PRKG1: variants seen among roughly 807,000 people sequenced by gnomAD.
The protein encoded by PRKG1 is protein kinase cGMP-dependent 1, also known as cGMP-dependent protein kinase 1.
A neutral mutation model predicts 88.1 loss-of-function variants in PRKG1; 35 were observed. The observed-to-expected ratio is 0.40, with a 90% CI of 0.30 to 0.53. The LOEUF (loss-of-function observed/expected upper bound fraction) is 0.53, where lower values mean the gene tolerates loss of function less well. PRKG1 is among the 20% of genes least tolerant of loss of function. The pLI is 0.59. For synonymous variants in PRKG1, 303 were observed against 292.5 expected (o/e 1.04, Z -0.37); for missense variants, 540 against 839.8 (o/e 0.64, Z 4.41).
chr10:51,209,434 T>C (rs1838154777), intron 2 of PRKG1, among the ~76,000 whole-genome samples: 1 of 152,170 alleles, frequency 6.6e-6, no homozygotes, highest in Non-Finnish European at 1.5e-5. Flanking sequence ...TTCCACCTGG[T>C]AAAAGTAAAA....
chr10:51,024,552 GA>G (rs948765822), intron 1 of PRKG1, among the ~76,000 whole-genome samples: 11 of 151,974 alleles, frequency 7.2e-5, no homozygotes, highest in Admixed American at 4.6e-4. Flanking sequence ...AATAATTTGA[GA>G]AAAAAATCTA....
At chr10:51,922,495 A>AT (rs1317537114) in intron 5 of PRKG1, among the ~76,000 whole-genome samples, 2 of 151,670 alleles carry the variant, frequency 1.3e-5, no homozygotes, top group Non-Finnish European at 3.0e-5. Flanking sequence ...TAGATTATTT[A>AT]TTTTTAGATC....
chr10:51,077,325 T>C (rs923722892), intron 1 of PRKG1, among the ~76,000 whole-genome samples: 1 of 152,216 alleles, frequency 6.6e-6, no homozygotes, highest in Non-Finnish European at 1.5e-5. Context: ...AACATACATA[T>C]AGATTATTGT....
chr10:51,576,522 C>G (rs1017570480), intron 3 of PRKG1, among the ~76,000 whole-genome samples: 2 of 151,852 alleles, frequency 1.3e-5, no homozygotes, highest in Non-Finnish European at 2.9e-5. Flanking sequence ...CTAGAATATC[C>G]TTTTACAGAT....
rs185875348 is a variant in PRKG1 at position 52,241,189 on chromosome 10, A to G, written c.1077-10381A>G. 3.6e-3 allele frequency among the ~76,000 whole-genome samples: 550 copies of G among 152,278 alleles called. 2 individuals carry two copies. The highest frequency in any genetic ancestry group is 0.013 in the African/African-American group (520 of 41,560). Reference sequence around the variant, plus strand: ...CCTGTTTTGCGTACCAGGAGTTGAAAGCAGGACTCCATGAAATGAAAACCT... The same window carrying G: ...CCTGTTTTGCGTACCAGGAGTTGAAGGCAGGACTCCATGAAATGAAAACCT... On this transcript the variant is annotated intron_variant, in intron 9 of 17. Coordinates refer to ENST00000373980, the MANE Select transcript of PRKG1 (RefSeq NM_006258.4).
chr10:51,016,651 G>A (rs1843064752), intron 1 of PRKG1, among the ~76,000 whole-genome samples: 1 of 87,268 alleles, frequency 1.1e-5, no homozygotes, highest in South Asian at 3.6e-4. Context: ...ATAACCCAGT[G>A]AAGAAGGTAT....
intron 5 of PRKG1, among the ~76,000 whole-genome samples, chr10:51,952,249 C>T (rs11000258): frequency 0.048 from 7,346 of 152,212 alleles, 574 homozygotes; most frequent in African/African-American, 0.17. Flanking sequence ...GCTGCTTGCC[C>T]GACCTACTAA....
chr10:52,124,696 T>C (rs1033413369), intron 7 of PRKG1, among the ~76,000 whole-genome samples: 1 of 152,152 alleles, frequency 6.6e-6, no homozygotes, highest in African/African-American at 2.4e-5. Flanking sequence ...TTTTAATTTC[T>C]TTTCTAATAA....
chr10:52,054,889 CT>C (rs2133255469), intron 6 of PRKG1, among the ~76,000 whole-genome samples: 1 of 152,226 alleles, frequency 6.6e-6, no homozygotes, highest in South Asian at 2.1e-4. Context: ...AACCTCAGCA[CT>C]TTGGGAGGCC....
rs776811147 is a variant in PRKG1 at position 51,074,804 on chromosome 10, C to A, written c.214C>A (p.Pro72Thr). 5.0e-6 allele frequency: 8 copies of A among 1,613,672 alleles called. No individual in the cohort carries two copies. Among genetic ancestry groups the A allele is most frequent in the South Asian group, 3.3e-5 (3 of 91,024 alleles). Reference sequence around the variant, plus strand: ...GAGCGCGAGCACCTTGCAGGGCGAGCCGCGCACCAAGCGGCAGGCGATCTC... The same window carrying A: ...GAGCGCGAGCACCTTGCAGGGCGAGACGCGCACCAAGCGGCAGGCGATCTC... The part of the protein sequence containing the change: ...KQSASTLQGE[P>T]RTKRQAISAE... The change falls in exon 1 of 18, where the codon CCG becomes ACG. Residue 72 changes from proline (P) to threonine (T), a missense_variant. By Grantham distance (38) the Pro-to-Thr change is conservative (BLOSUM62 -1). Transcript: ENST00000373980.
At chr10:51,016,596 GT>G (rs1843063743) in intron 1 of PRKG1, among the ~76,000 whole-genome samples, 1 of 146,346 alleles carries the variant, frequency 6.8e-6, no homozygotes, top group South Asian at 2.2e-4. Context: ...AGGCATTACA[GT>G]TTATAATGCA....
intron 3 of PRKG1, among the ~76,000 whole-genome samples, chr10:51,504,622 T>A (rs1469703911): frequency 6.6e-6 from 1 of 152,176 alleles, no homozygotes; most frequent in East Asian, 1.9e-4. Flanking sequence ...GTTCTTCCAT[T>A]TGTTTGTATC....
intron 7 of PRKG1, chr10:52,062,922 A>G: frequency 1.5e-6 from 1 of 647,374 alleles, no homozygotes; most frequent in Non-Finnish European, 2.8e-6. Flanking sequence ...AAAGAGAGGA[A>G]TTCCCTGCTA....
At chr10:51,419,108 A>G (rs1013105153) in intron 2 of PRKG1, among the ~76,000 whole-genome samples, 7 of 152,192 alleles carry the variant, frequency 4.6e-5, no homozygotes, top group Admixed American at 4.6e-4. Context: ...ATTTGATCCA[A>G]TTGAAAAAGT....
chr10:52,292,934 T>C (rs930966197), intron 17 of PRKG1, among the ~76,000 whole-genome samples: 3 of 152,056 alleles, frequency 2.0e-5, no homozygotes, highest in Non-Finnish European at 4.4e-5. Context: ...GAGAAGTAAA[T>C]AAAGGGTATT....
chr10:51,546,710 A>G (rs982526937), intron 3 of PRKG1, among the ~76,000 whole-genome samples: 4 of 152,128 alleles, frequency 2.6e-5, no homozygotes, highest in African/African-American at 9.6e-5. Context: ...TTCTAAACCT[A>G]GAATTCAGCC....
chr10:51,980,719 C>G (rs971455795), intron 5 of PRKG1, among the ~76,000 whole-genome samples: 1 of 152,078 alleles, frequency 6.6e-6, no homozygotes, highest in Non-Finnish European at 1.5e-5. Flanking sequence ...TGAATTGAAC[C>G]CTTTACCATT....
intron 2 of PRKG1, among the ~76,000 whole-genome samples, chr10:51,308,961 G>A (rs1187033405): frequency 6.6e-6 from 1 of 152,076 alleles, no homozygotes; most frequent in Non-Finnish European, 1.5e-5. Flanking sequence ...TGTAGAGAAA[G>A]CTGGAAAGTG....
chr10:52,228,397 AG>A (rs1337114013), intron 9 of PRKG1, among the ~76,000 whole-genome samples: 1 of 152,078 alleles, frequency 6.6e-6, no homozygotes, highest in East Asian at 1.9e-4. Flanking sequence ...ACTAAAGGAG[AG>A]GGGGTTCTTG....
Sources: gnomAD v4.1 joint callset for allele counts (sites outside exome capture counted in the v4.1 genomes callset) on GRCh38, gnomAD v4.1.1 for gene constraint, MANE v1.5 for transcripts, NCBI Gene and HGNC (gene_info 2026-07-23, HGNC 2026-07-21) for gene names.